The following TTC13 variants were observed in gnomAD, a reference collection of about 807,000 sequenced individuals.
TTC13 encodes tetratricopeptide repeat protein 13.
In TTC13, 62 loss-of-function variants were observed where a neutral mutation model predicts 120.0. The ratio of observed to expected loss-of-function variants is 0.52; its 90% confidence interval spans 0.42 to 0.64. The LOEUF is 0.64. Ranked by LOEUF, TTC13 falls within the 30% of genes least tolerant of loss-of-function variation. The pLI is 0.00. For missense variants in TTC13, 824 were observed against 1,050.2 expected (o/e 0.78, Z 2.98); for synonymous variants, 384 against 393.5 (o/e 0.98, Z 0.28).
chr1:230,933,040 T>A lies in TTC13; in HGVS notation c.983+739A>T, dbSNP rs183238807. Reference sequence around the variant, plus strand: ...CAAGCTGGAGTGCAGTGGTGCAATCTTGGCTCACCGCAACCTCTGACTCCC... The same window carrying A: ...CAAGCTGGAGTGCAGTGGTGCAATCATGGCTCACCGCAACCTCTGACTCCC... On this transcript the variant is annotated intron_variant, in intron 9 of 22. Coordinates refer to ENST00000366661, the MANE Select transcript of TTC13 (RefSeq NM_024525.5). Among the ~76,000 whole-genome samples the A allele has an allele frequency of 7.9e-5, 12 of 152,124 alleles. No individual in the cohort carries two copies. In the East Asian group the frequency reaches 2.3e-3, roughly 29 times the overall value.
At chr1:230,908,868 T>A in intron 21 of TTC13, 74 bp downstream of exon 21, 1 of 1,606,624 alleles carries the variant, frequency 6.2e-7, no homozygotes, top group Non-Finnish European at 8.5e-7. Context: ...GTAACTCGTG[T>A]ACCTTAAAAT....
At chr1:230,920,921 T>C (rs1451695134) in intron 16 of TTC13, among the ~76,000 whole-genome samples, 1 of 152,248 alleles carries the variant, frequency 6.6e-6, no homozygotes, top group Non-Finnish European at 1.5e-5. Flanking sequence ...CTGATTTTCC[T>C]ATTCCAGCTC....
intron 3 of TTC13, among the ~76,000 whole-genome samples, chr1:230,955,988 A>C (rs1676046513): frequency 6.6e-6 from 1 of 152,238 alleles, no homozygotes; most frequent in South Asian, 2.1e-4. Flanking sequence ...TAAAAACAGC[A>C]GCAAGAATCA....
intron 2 of TTC13, among the ~76,000 whole-genome samples, chr1:230,959,335 G>A (rs1228567020): frequency 6.6e-6 from 1 of 151,736 alleles, no homozygotes. Flanking sequence ...TAAGTTGTTT[G>A]TATTCACTAG....
At chr1:230,929,888 G>T (rs908615255) in intron 11 of TTC13, among the ~76,000 whole-genome samples, 2 of 152,210 alleles carry the variant, frequency 1.3e-5, no homozygotes, top group African/African-American at 4.8e-5. Context: ...AGAAAAAAGG[G>T]AATTGTAATT....
intron 22 of TTC13, among the ~76,000 whole-genome samples, chr1:230,907,266 T>A (rs1671023931): frequency 6.6e-6 from 1 of 152,250 alleles, no homozygotes; most frequent in Admixed American, 6.5e-5. Context: ...AATTAAACTC[T>A]GATTTACATG....
At chr1:230,913,094 T>C (rs1174354726) in intron 18 of TTC13, among the ~76,000 whole-genome samples, 1 of 152,164 alleles carries the variant, frequency 6.6e-6, no homozygotes, top group Admixed American at 6.5e-5. Context: ...GTAAATATTT[T>C]CTAAGCCACC....
At chr1:230,921,142 A>G (rs1308703342) in intron 16 of TTC13, among the ~76,000 whole-genome samples, 1 of 152,244 alleles carries the variant, frequency 6.6e-6, no homozygotes, top group Non-Finnish European at 1.5e-5. Flanking sequence ...TGAAATCCCT[A>G]AAAGATAAAT....
intron 8 of TTC13, among the ~76,000 whole-genome samples, chr1:230,937,773 A>C (rs1674194378): frequency 6.6e-6 from 1 of 152,224 alleles, no homozygotes; most frequent in Admixed American, 6.5e-5. Context: ...TCCTGTTTAA[A>C]GCTTACAAAG....
intron 9 of TTC13, among the ~76,000 whole-genome samples, chr1:230,932,184 G>A (rs1673618805): frequency 6.6e-6 from 1 of 151,966 alleles, no homozygotes; most frequent in African/African-American, 2.4e-5. Flanking sequence ...TAAAAACTGT[G>A]TAAATGTTAA....
chr1:230,960,011 T>C (rs955251926), intron 2 of TTC13, among the ~76,000 whole-genome samples: 6 of 152,240 alleles, frequency 3.9e-5, no homozygotes, highest in Non-Finnish European at 7.3e-5. Context: ...AGACCAACGC[T>C]ATCTGGCTTG....
At position 230,916,284 on chromosome 1, in the gene TTC13, T is replaced by A; in HGVS notation, c.2002A>T (p.Lys668Ter). 6.2e-7 allele frequency: 1 copy of A among 1,614,054 alleles called. No individual in the cohort carries two copies. The highest frequency in any genetic ancestry group is 8.5e-7 in the Non-Finnish European group (1 of 1,179,876). ...PIMKQFNTKTKDGFTVNTKVP... is the reference protein window; with the variant it reads ...PIMKQFNTKT ...TTTGTGTTCACGGTGAACCCATCCT[T>A]CGTTTTAGTATTAAACTGCTTTCAG... is the stretch of plus-strand genomic sequence containing the variant. The change falls in exon 18 of 23, where the codon AAG (lysine) becomes TAG (stop). Residue 668 changes from lysine (K) to a stop codon, truncating the protein, a stop_gained. Transcript: ENST00000366661. LOFTEE classifies it high-confidence loss of function.
rs1346138545 is a variant in TTC13, at chr1:230,920,586, T to C, written c.1907A>G (p.Asn636Ser). Residue 636 changes from asparagine (N) to serine (S), a missense_variant, in exon 17 of 23, where the codon AAT becomes AGT. Asn to Ser is a conservative substitution (Grantham distance 46). Transcript: ENST00000366661. ...CCGAACTTCCAGCAATCCTTTAGGA[T>C]TATTAGCTCTTAAAGAGAGACAGAG... ...DRILVYHGAN[N>S]PKGLLEVREA... The C allele has an allele frequency of 6.3e-7, 1 of 1,577,556 alleles. No homozygotes were observed. The highest frequency in any genetic ancestry group is 8.6e-7 in the Non-Finnish European group (1 of 1,164,758).
At position 230,933,501 on chromosome 1, in the gene TTC13, A is replaced by G. The variant is rs192972608; in HGVS notation, c.983+278T>C. ...AGCGTCTACACCCCAATAGCTTACA[A>G]TGCCACTATTCAAAACAACCCTTGA... On this transcript the variant is annotated intron_variant, in intron 9 of 22. Coordinates refer to ENST00000366661, the MANE Select transcript of TTC13 (RefSeq NM_024525.5). Among the ~76,000 whole-genome samples, 20 of 152,282 alleles carry G rather than the reference A, an allele frequency of 1.3e-4. No homozygotes were observed. In the East Asian group the frequency reaches 3.7e-3, roughly 28 times the overall value.
intron 22 of TTC13, 150 bp from the exon 23 acceptor site, chr1:230,907,169 G>C (rs933913299): frequency 2.5e-6 from 1 of 398,974 alleles, no homozygotes; most frequent in Non-Finnish European, 4.6e-6. Context: ...GCTGTGAACA[G>C]AATGGCTCCT....
At position 230,978,538 on chromosome 1, in the gene TTC13, A is replaced by C; in HGVS notation, c.271+22T>G. The C allele has an allele frequency of 3.6e-6, 3 of 836,646 alleles. No homozygotes were observed. Among genetic ancestry groups the C allele is most frequent in the Non-Finnish European group, 4.8e-6 (3 of 619,594 alleles). The allele number at this position is 836,646 out of a possible 1,614,324, so 51.8% of individuals were successfully genotyped here. ...TGCCCCGCCGCCCCGGCCGACTCGGACGCCCGCCGCCGCCCACTCACCGCC... is the reference window on the plus strand; with the variant it reads ...TGCCCCGCCGCCCCGGCCGACTCGGCCGCCCGCCGCCGCCCACTCACCGCC... On this transcript the variant is annotated intron_variant, in intron 1 of 22. Coordinates refer to ENST00000366661, the MANE Select transcript of TTC13 (RefSeq NM_024525.5). The surrounding 1 kb of genome is among the most constrained non-coding windows in gnomAD (Gnocchi z 5.6).
At chr1:230,931,946 C>T (rs558848427) in intron 9 of TTC13, 69 bp from the exon 10 acceptor site, 5 of 1,495,294 alleles carry the variant, frequency 3.3e-6, no homozygotes, top group Non-Finnish European at 1.8e-6. Flanking sequence ...AAGCTATCCT[C>T]AGAATTATGG....
At chr1:230,911,359 C>A in intron 20 of TTC13, 111 bp downstream of exon 20, 1 of 657,062 alleles carries the variant, frequency 1.5e-6, no homozygotes, top group Non-Finnish European at 2.4e-6. Flanking sequence ...AAATAGGGAG[C>A]TCCTTACCAT....
At chr1:230,969,090 G>A (rs139467807) in intron 1 of TTC13, among the ~76,000 whole-genome samples, 63 of 152,124 alleles carry the variant, frequency 4.1e-4, no homozygotes, top group African/African-American at 1.3e-3. Flanking sequence ...GTGAAACCCC[G>A]TCTCTACTAA....
Sources: gnomAD v4.1 joint callset for allele counts (sites outside exome capture counted in the v4.1 genomes callset) on GRCh38, gnomAD v4.1.1 for gene constraint, Gnocchi (gnomAD v3.1) non-coding constraint, MANE v1.5 for transcripts, NCBI Gene and HGNC (gene_info 2026-07-23, HGNC 2026-07-21) for gene names.